Variants in KIAA0825 observed in about 807,000 individuals in gnomAD.
The protein encoded by KIAA0825 is KIAA0825.
Under a neutral mutation model 147.6 loss-of-function variants are expected in KIAA0825, and 119 were observed. The observed-to-expected ratio is 0.81, with a 90% CI of 0.69 to 0.94. KIAA0825 has a LOEUF of 0.94. KIAA0825 is among the 40% of genes least tolerant of loss of function. The pLI is 0.00. For synonymous variants in KIAA0825, 470 were observed against 518.1 expected, an observed-to-expected ratio of 0.91 and a Z score of 1.26; for missense variants, 1,381 against 1,472.7, an observed-to-expected ratio of 0.94 and a Z score of 1.02.
At chr5:94,541,665 T>C (rs543839528) in intron 2 of KIAA0825, among the ~76,000 whole-genome samples, 2 of 152,362 alleles carry the variant, frequency 1.3e-5, no homozygotes, top group South Asian at 2.1e-4. Flanking sequence ...ATCTGCTCTT[T>C]AACAAAACTT....
chr5:94,542,794 G>A lies in KIAA0825; in HGVS notation c.-1-5667C>T, dbSNP rs555753932. On this transcript the variant is annotated intron_variant, in intron 2 of 20. Coordinates refer to ENST00000682413, the MANE Select transcript of KIAA0825 (RefSeq NM_001145678.3). Reference sequence around the variant, plus strand: ...TGCACTCCAGCCTGGGTGACGGAGCGAGATTCCCTCTCAAAAAAAAGAAAG... The same window carrying A: ...TGCACTCCAGCCTGGGTGACGGAGCAAGATTCCCTCTCAAAAAAAAGAAAG... Among the ~76,000 whole-genome samples the A allele has an allele frequency of 1.8e-4, 28 of 151,904 alleles. 1 individual carries two copies. The highest frequency in any genetic ancestry group is 3.4e-3 in the Middle Eastern group (1 of 294).
At chr5:94,250,112 G>A (rs1775872925) in intron 20 of KIAA0825, among the ~76,000 whole-genome samples, 2 of 152,024 alleles carry the variant, frequency 1.3e-5, no homozygotes, top group South Asian at 4.1e-4. Flanking sequence ...ACCAATGACT[G>A]AAGTTCAAAA....
intron 1 of KIAA0825, among the ~76,000 whole-genome samples, chr5:94,599,222 T>C (rs968279741): frequency 6.6e-6 from 1 of 152,116 alleles, no homozygotes; most frequent in African/African-American, 2.4e-5. Flanking sequence ...ATTTCCCTGA[T>C]GACTAGTGGT....
chr5:94,536,251 T>C (rs1210299031), intron 3 of KIAA0825, among the ~76,000 whole-genome samples: 1 of 152,216 alleles, frequency 6.6e-6, no homozygotes, highest in African/African-American at 2.4e-5. Context: ...TTCACTTACT[T>C]GGTTCAGTTT....
intron 5 of KIAA0825, chr5:94,519,269 G>C: frequency 1.1e-6 from 1 of 897,640 alleles, no homozygotes. Context: ...GTGAGCTATA[G>C]GAATTTTAAA....
intron 20 of KIAA0825, among the ~76,000 whole-genome samples, chr5:94,368,514 G>A (rs1316488240): frequency 6.6e-6 from 1 of 152,106 alleles, no homozygotes; most frequent in Non-Finnish European, 1.5e-5. Flanking sequence ...AAAAATGTAA[G>A]GAGAGAAACC....
At chr5:94,503,878 G>T (rs753051457) in intron 5 of KIAA0825, among the ~76,000 whole-genome samples, 1 of 152,170 alleles carries the variant, frequency 6.6e-6, no homozygotes, top group Non-Finnish European at 1.5e-5. Flanking sequence ...CTAGCCATCT[G>T]TTCAGAGTGC....
intron 14 of KIAA0825, among the ~76,000 whole-genome samples, chr5:94,436,732 A>G (rs968346974): frequency 2.0e-5 from 3 of 152,096 alleles, no homozygotes; most frequent in African/African-American, 4.8e-5. Context: ...TTTTCACAAT[A>G]TTGATTCTTC....
At chr5:94,362,090 C>G (rs992658100) in intron 20 of KIAA0825, among the ~76,000 whole-genome samples, 2 of 152,188 alleles carry the variant, frequency 1.3e-5, no homozygotes, top group Non-Finnish European at 1.5e-5. Context: ...GAAGGTACAT[C>G]CTATCCAAGC....
chr5:94,410,930 G>T (rs576768600), intron 15 of KIAA0825, among the ~76,000 whole-genome samples: 4 of 152,230 alleles, frequency 2.6e-5, no homozygotes, highest in Non-Finnish European at 4.4e-5. Context: ...GTATGGAAAT[G>T]ATAAATATAT....
At chr5:94,532,449 G>A (rs1770986970) in intron 3 of KIAA0825, among the ~76,000 whole-genome samples, 1 of 151,852 alleles carries the variant, frequency 6.6e-6, no homozygotes, top group Non-Finnish European at 1.5e-5. Flanking sequence ...GCCCCCACCC[G>A]ACCTGGTAGC....
rs1757037940 is a variant in KIAA0825 at position 94,441,229 on chromosome 5, C to G, written c.2358-1108G>C. Among the ~76,000 whole-genome samples the G allele has an allele frequency of 2.0e-5, 3 of 152,242 alleles. No homozygotes were observed. The South Asian group carries it at 6.2e-4, about 32-fold the overall frequency. ...AGCATCAACATCACATCCTAATTCTCCAGCCTCATCCCATCAGAAATTCTG... is the reference window on the plus strand; with the variant it reads ...AGCATCAACATCACATCCTAATTCTGCAGCCTCATCCCATCAGAAATTCTG... On this transcript the variant is annotated intron_variant, in intron 13 of 20. Coordinates refer to ENST00000682413, the MANE Select transcript of KIAA0825 (RefSeq NM_001145678.3).
chr5:94,341,186 G>T (rs945827190), intron 20 of KIAA0825, among the ~76,000 whole-genome samples: 1 of 152,154 alleles, frequency 6.6e-6, no homozygotes, highest in Non-Finnish European at 1.5e-5. Flanking sequence ...TATGAAAAAT[G>T]TTTCTTCTAA....
intron 1 of KIAA0825, among the ~76,000 whole-genome samples, chr5:94,617,701 G>A (rs6885313): frequency 6.6e-6 from 1 of 152,158 alleles, no homozygotes; most frequent in Non-Finnish European, 1.5e-5. Context: ...AGTCGCCAAG[G>A]TTCACTACAT....
At chr5:94,556,510 A>G (rs1439072826) in intron 2 of KIAA0825, among the ~76,000 whole-genome samples, 1 of 152,234 alleles carries the variant, frequency 6.6e-6, no homozygotes, top group Non-Finnish European at 1.5e-5. Context: ...CCAAGAGTTT[A>G]AAAATTTCTC....
At chr5:94,602,624 C>T (rs113201660) in intron 1 of KIAA0825, among the ~76,000 whole-genome samples, 11,122 of 152,116 alleles carry the variant, frequency 0.073, 457 homozygotes, top group South Asian at 0.11. Context: ...GGTTTTATAA[C>T]GGGCTTCCCT....
chr5:94,369,746 G>A (rs983837049), intron 20 of KIAA0825, among the ~76,000 whole-genome samples: 7 of 152,076 alleles, frequency 4.6e-5, no homozygotes, highest in Non-Finnish European at 7.4e-5. Flanking sequence ...CCAAAGACTC[G>A]TATATAGACA....
At chr5:94,335,108 G>A (rs1301672142) in intron 20 of KIAA0825, among the ~76,000 whole-genome samples, 2 of 151,902 alleles carry the variant, frequency 1.3e-5, no homozygotes, top group Admixed American at 1.3e-4. Flanking sequence ...CTGGTTGTTC[G>A]ATTACCCCCT....
chr5:94,573,884 AC>A (rs1780456056), intron 2 of KIAA0825, among the ~76,000 whole-genome samples: 2 of 152,088 alleles, frequency 1.3e-5, no homozygotes, highest in African/African-American at 4.8e-5. Flanking sequence ...GTTAAATAAA[AC>A]CCATCTGATA....
Sources: gnomAD v4.1 joint callset for allele counts (sites outside exome capture counted in the v4.1 genomes callset) on GRCh38, gnomAD v4.1.1 for gene constraint, MANE v1.5 for transcripts, NCBI Gene and HGNC (gene_info 2026-07-23, HGNC 2026-07-21) for gene names.